Variants in CNTN6 observed in about 807,000 individuals in gnomAD.
The protein encoded by CNTN6 is contactin-6.
CNTN6 carries 137 observed loss-of-function variants against 122.8 expected under a neutral mutation model. The observed-to-expected ratio is 1.12, with a 90% confidence interval of 0.97 to 1.29. CNTN6 has a LOEUF of 1.29. Among genes scored for constraint, CNTN6 ranks in the 50% most tolerant of loss-of-function variants. The pLI is 0.00. For missense variants in CNTN6, 1,634 were observed against 1,223.4 expected (o/e 1.34, Z -5.01); for synonymous variants, 570 against 426.0 (o/e 1.34, Z -4.16).
intron 4 of CNTN6, among the ~76,000 whole-genome samples, chr3:1,268,545 T>C (rs976144515): frequency 5.6e-5 from 8 of 143,042 alleles, no homozygotes; most frequent in Non-Finnish European, 9.0e-5. Context: ...AGGAGGAGCT[T>C]GCAGTGAGCC....
chr3:1,151,055 C>A lies in CNTN6; in HGVS notation c.55+2992C>A, dbSNP rs113097432. ...TGGACTGAGCATGGCTCTGCCTGCA[C>A]CTTTTTTCAGCCCCGTGAATCCCAT... is the stretch of plus-strand genomic sequence containing the variant. On this transcript the variant is annotated intron_variant, in intron 2 of 22. Coordinates refer to ENST00000446702, the MANE Select transcript of CNTN6 (RefSeq NM_001289080.2). Among the ~76,000 whole-genome samples the A allele has an allele frequency of 2.5e-3, 387 of 152,262 alleles. 5 individuals carry two copies. In the Middle Eastern group the frequency reaches 0.031, roughly 12 times the overall value.
chr3:1,156,537 T>A (rs912224612), intron 2 of CNTN6, among the ~76,000 whole-genome samples: 1 of 152,206 alleles, frequency 6.6e-6, no homozygotes, highest in Non-Finnish European at 1.5e-5. Flanking sequence ...TTATGAATAG[T>A]GTTTCATCTG....
intron 11 of CNTN6, among the ~76,000 whole-genome samples, chr3:1,346,912 A>G (rs11916754): frequency 0.095 from 14,506 of 152,196 alleles, 771 homozygotes; most frequent in Non-Finnish European, 0.12. Context: ...GTACAAAGTC[A>G]GGCAAATGGG....
In CNTN6 at chr3:1,220,751, T is replaced by C. The variant is rs1218447393; in HGVS notation, c.120T>C (p.Asp40=). 4 of 1,613,392 alleles carry C rather than the reference T, an allele frequency of 2.5e-6. No homozygotes were observed. Among genetic ancestry groups the C allele is most frequent in the Non-Finnish European group, 3.4e-6 (4 of 1,179,598 alleles). ...CACATGATGTCATTTTTCCTTTGGA[T>C]TTATCAAAATCTGAGGTCATCCTGA... is the stretch of plus-strand genomic sequence containing the variant. ...QEPHDVIFPL[D]LSKSEVILNC... Residue 40 remains aspartate, a synonymous_variant, in exon 3 of 23, where the codon GAT becomes GAC. Transcript: ENST00000446702.
At position 1,196,263 on chromosome 3, in the gene CNTN6, A is replaced by G. The variant is rs145503439; in HGVS notation, c.56-24424A>G. On this transcript the variant is annotated intron_variant, in intron 2 of 22. Transcript: ENST00000446702. ...TCTCTGCAGAAATATCACATGAAATATGGTGCAGAAAACCTTCAGCATAGT... is the reference window on the plus strand; with the variant it reads ...TCTCTGCAGAAATATCACATGAAATGTGGTGCAGAAAACCTTCAGCATAGT... Among the ~76,000 whole-genome samples, 331 of 152,316 alleles carry G rather than the reference A, an allele frequency of 2.2e-3. 2 individuals carry two copies. The highest frequency in any genetic ancestry group is 7.5e-3 in the African/African-American group (310 of 41,570).
intron 4 of CNTN6, among the ~76,000 whole-genome samples, chr3:1,268,494 C>A (rs1575489550): frequency 6.6e-6 from 1 of 150,780 alleles, no homozygotes; most frequent in Non-Finnish European, 1.5e-5. Context: ...GTAGTCCCAG[C>A]TACTTGGGAG....
intron 2 of CNTN6, among the ~76,000 whole-genome samples, chr3:1,186,785 T>C (rs1396937891): frequency 6.6e-6 from 1 of 151,874 alleles, no homozygotes; most frequent in Non-Finnish European, 1.5e-5. Context: ...GTAGCCTTTC[T>C]GAAGTCGCTT....
chr3:1,287,744 C>T (rs571798522), intron 5 of CNTN6, among the ~76,000 whole-genome samples: 5 of 152,246 alleles, frequency 3.3e-5, no homozygotes, highest in Admixed American at 6.5e-5. Context: ...CATTAAGGTG[C>T]TAAAAGACAC....
intron 12 of CNTN6, among the ~76,000 whole-genome samples, chr3:1,353,860 C>T (rs1454185747): frequency 6.6e-6 from 1 of 151,472 alleles, no homozygotes. Flanking sequence ...GGCATTAAAA[C>T]GTGAAATAGA....
chr3:1,098,240 CTAA>C (rs2090642881), intron 1 of CNTN6, among the ~76,000 whole-genome samples: 2 of 145,548 alleles, frequency 1.4e-5, no homozygotes, highest in African/African-American at 5.5e-5. Context: ...TATAATAATA[CTAA>C]TAATAAAATA....
At chr3:1,370,588 C>T (rs181871885) in intron 12 of CNTN6, among the ~76,000 whole-genome samples, 2 of 152,194 alleles carry the variant, frequency 1.3e-5, no homozygotes, top group Non-Finnish European at 2.9e-5. Flanking sequence ...CAGTGATTAA[C>T]GCCTGTAATC....
chr3:1,302,257 CAAATGTGGG>C (rs777421695), intron 7 of CNTN6, among the ~76,000 whole-genome samples: 27 of 151,974 alleles, frequency 1.8e-4, no homozygotes, highest in Non-Finnish European at 3.5e-4. Context: ...TTTTTTTCCC[CAAATGTGGG>C]GACTCCCTTT....
rs745629244 is a variant in CNTN6, at chr3:1,278,439, A to T, written c.385A>T (p.Arg129Ter). 4 of 1,608,900 alleles carry T rather than the reference A, an allele frequency of 2.5e-6. No individual in the cohort carries two copies. Among genetic ancestry groups the T allele is most frequent in the Non-Finnish European group, 3.4e-6 (4 of 1,176,584 alleles). ...AYIEDFETKT[R>*]STVSVREGQG... is the part of the protein sequence containing the mutation. ...TATTGAAGACTTTGAAACTAAAACA[A>T]GAAGCACAGTATCTGTCCGAGAAGG... is the stretch of plus-strand genomic sequence containing the variant. The change falls in exon 5 of 23, where the codon AGA (arginine) becomes TGA (stop). Residue 129 changes from arginine to a stop codon, truncating the protein, a stop_gained. Transcript: ENST00000446702. LOFTEE classifies it high-confidence loss of function.
At chr3:1,300,539 G>A (rs1339819872) in intron 7 of CNTN6, among the ~76,000 whole-genome samples, 18 of 125,146 alleles carry the variant, frequency 1.4e-4, no homozygotes, top group South Asian at 2.8e-4. Context: ...AAGAAAGAGA[G>A]AGAAAGAAAG....
At chr3:1,245,219 T>TATATATATATATAAC (rs2094547426) in intron 4 of CNTN6, among the ~76,000 whole-genome samples, 3 of 23,118 alleles carry the variant, frequency 1.3e-4, no homozygotes, top group South Asian at 1.8e-3. Context: ...TATATATATA[T>TATATATATATATAAC]ATATATATAT....
chr3:1,392,229 C>T (rs1454763282), intron 20 of CNTN6, among the ~76,000 whole-genome samples: 11 of 152,370 alleles, frequency 7.2e-5, no homozygotes, highest in African/African-American at 2.4e-4. Context: ...TGGAACAGAA[C>T]AGAGCCCTCA....
intron 7 of CNTN6, among the ~76,000 whole-genome samples, chr3:1,310,733 G>T (rs1212291694): frequency 6.6e-6 from 1 of 152,158 alleles, no homozygotes; most frequent in African/African-American, 2.4e-5. Context: ...CAGGCGCAGT[G>T]GCTCATGCCT....
chr3:1,315,738 C>G (rs760575650), intron 7 of CNTN6, among the ~76,000 whole-genome samples: 1 of 151,900 alleles, frequency 6.6e-6, no homozygotes, highest in Non-Finnish European at 1.5e-5. Flanking sequence ...GTCCTCCACA[C>G]CCACACATCC....
At chr3:1,333,653 A>G (rs1313688280) in intron 11 of CNTN6, among the ~76,000 whole-genome samples, 1 of 152,098 alleles carries the variant, frequency 6.6e-6, no homozygotes, top group Non-Finnish European at 1.5e-5. Flanking sequence ...TAACTCTTGC[A>G]GCCAATAAAG....
Sources: allele counts gnomAD v4.1 joint callset (sites outside exome capture counted in the v4.1 genomes callset), GRCh38; gene constraint gnomAD v4.1.1; transcripts MANE v1.5; gene names NCBI Gene and HGNC (gene_info 2026-07-23, HGNC 2026-07-21).